Variants in CDC42BPG observed in about 807,000 individuals in gnomAD.
CDC42BPG encodes the protein serine/threonine-protein kinase MRCK gamma.
A neutral mutation model predicts 192.2 loss-of-function variants in CDC42BPG; 157 were observed. That is an observed-to-expected ratio of 0.82 (90% confidence interval 0.72 to 0.93). The LOEUF (loss-of-function observed/expected upper bound fraction) is 0.93. CDC42BPG is among the 40% of genes least tolerant of loss of function. The probability of loss-of-function intolerance (pLI) is 0.00; values close to 1 mark genes in which losing one functional copy is unlikely to be tolerated. For missense variants in CDC42BPG, 1,992 were observed against 2,122.1 expected (o/e 0.94, Z 1.20); for synonymous variants, 981 against 918.5 (o/e 1.07, Z -1.23).
At position 64,839,599 on chromosome 11, in the gene CDC42BPG, G is replaced by C. The variant is rs1159827470; in HGVS notation, c.582-28C>G. 7 of 1,595,508 alleles carry C rather than the reference G, an allele frequency of 4.4e-6. No individual in the cohort carries two copies. In the Admixed American group the frequency reaches 1.2e-4, roughly 27 times the overall value. On this transcript the variant is annotated intron_variant, in intron 5 of 36. Coordinates refer to ENST00000342711, the MANE Select transcript of CDC42BPG (RefSeq NM_017525.3). ...GGGGGATGGCAGGCAGGGAGAGTGAGGCGTTTGACCTGTGTGTAAGTGGCC... is the reference window on the plus strand; with the variant it reads ...GGGGGATGGCAGGCAGGGAGAGTGACGCGTTTGACCTGTGTGTAAGTGGCC...
chr11:64,834,645 C>A, intron 18 of CDC42BPG, 68 bp from the exon 19 acceptor site: 1 of 1,469,736 alleles, frequency 6.8e-7, no homozygotes, highest in East Asian at 2.4e-5. Context: ...CCCCTGCTAC[C>A]AGAGCATCCT....
At position 64,838,503 on chromosome 11, in the gene CDC42BPG, G is replaced by A. The variant is rs1001034216; in HGVS notation, c.1125+151C>T. On this transcript the variant is annotated intron_variant, in intron 8 of 36. Transcript: ENST00000342711. ...GAGGCTGGGCCAGCGGATGGTGGCT[G>A]GAACGGGTCAGTCTGGGAGTCCATA... is the stretch of plus-strand genomic sequence containing the variant. 5.7e-5 allele frequency: 63 copies of A among 1,110,658 alleles called. 1 individual carries two copies. In the East Asian group the frequency reaches 1.5e-3, roughly 26 times the overall value. 68.8% of individuals were successfully genotyped at this position (1,110,658 alleles called of 1,614,324 possible).
chr11:64,836,883 G>A (rs2136345294), intron 10 of CDC42BPG, 39 bp downstream of exon 10: 1 of 1,610,784 alleles, frequency 6.2e-7, no homozygotes, highest in Non-Finnish European at 8.5e-7. Context: ...CAGCCCCTAG[G>A]GCCAGCACAC....
intron 11 of CDC42BPG, 94 bp downstream of exon 11, chr11:64,836,645 C>T: frequency 1.6e-6 from 2 of 1,247,124 alleles, no homozygotes; most frequent in Non-Finnish European, 2.2e-6. Flanking sequence ...AAAATGCTCT[C>T]CCAGGATCAT....
chr11:64,830,593 G>A, intron 28 of CDC42BPG: 2 of 411,562 alleles, frequency 4.9e-6, no homozygotes, highest in South Asian at 5.1e-5. Context: ...GTTCAGCAGA[G>A]CCCCTTGCTC....
intron 30 of CDC42BPG, among the ~76,000 whole-genome samples, chr11:64,829,164 G>A (rs1942568367): frequency 6.6e-6 from 1 of 152,180 alleles, no homozygotes; most frequent in Admixed American, 6.5e-5. Flanking sequence ...AGGTGGCAGT[G>A]AGTCGAGATT....
chr11:64,830,416 C>T, intron 28 of CDC42BPG, 160 bp from the exon 29 acceptor site: 1 of 688,750 alleles, frequency 1.5e-6, no homozygotes, highest in South Asian at 1.7e-5. Flanking sequence ...CCAGTCTGGA[C>T]AGGCTTTTCC....
chr11:64,825,319 A>G (rs1393455236), intron 36 of CDC42BPG, among the ~76,000 whole-genome samples: 2 of 152,198 alleles, frequency 1.3e-5, no homozygotes, highest in Non-Finnish European at 2.9e-5. Context: ...AGGAGCCCAC[A>G]GTCAACAGAG....
In CDC42BPG at chr11:64,832,756, C is replaced by T. The variant is rs549793350; in HGVS notation, c.2866-13G>A. 6.3e-7 allele frequency: 1 copy of T among 1,599,978 alleles called. No individual in the cohort carries two copies. Among genetic ancestry groups the T allele is most frequent in the South Asian group, 1.1e-5 (1 of 89,388 alleles). ...AGGGCCGCGGCACCTGGCGGAAAGGCAAGCATGGGAGGGCTGCAGGGACCC... is the reference window on the plus strand; with the variant it reads ...AGGGCCGCGGCACCTGGCGGAAAGGTAAGCATGGGAGGGCTGCAGGGACCC... On this transcript the variant is annotated splice_polypyrimidine_tract_variant and intron_variant, in intron 25 of 36. Coordinates refer to ENST00000342711, the MANE Select transcript of CDC42BPG (RefSeq NM_017525.3).
intron 36 of CDC42BPG, 34 bp from the exon 37 acceptor site, chr11:64,824,563 G>C (rs2136232488): frequency 6.6e-7 from 1 of 1,510,224 alleles, no homozygotes; most frequent in East Asian, 2.2e-5. Flanking sequence ...CAAGGGGTAG[G>C]ATCAGGAAGA....
chr11:64,843,879 T>C (rs970589847), intron 1 of CDC42BPG, among the ~76,000 whole-genome samples: 1 of 151,668 alleles, frequency 6.6e-6, no homozygotes, highest in African/African-American at 2.4e-5. Context: ...GGTGTGTGTG[T>C]TGGTGGGGGG....
chr11:64,834,974 A>C lies in CDC42BPG; in HGVS notation c.2061-11T>G. ...TTCTCATCATTCACCCTGAATGGGA[A>C]GGGGCTCAGGGTCATGGGCTGGGCC... On this transcript the variant is annotated splice_polypyrimidine_tract_variant and intron_variant, in intron 17 of 36. Coordinates refer to ENST00000342711, the MANE Select transcript of CDC42BPG (RefSeq NM_017525.3). The C allele has an allele frequency of 6.2e-7, 1 of 1,613,740 alleles. No homozygotes were observed. The highest frequency in any genetic ancestry group is 8.5e-7 in the Non-Finnish European group (1 of 1,179,894).
Position 64,832,847 on chromosome 11 carries a change from A to C in CDC42BPG, c.2844T>G (p.Thr948=). 6.3e-7 allele frequency: 1 copy of C among 1,579,366 alleles called. No individual in the cohort carries two copies. Among genetic ancestry groups the C allele is most frequent in the South Asian group, 1.1e-5 (1 of 87,056 alleles). ...LGVHPETGTG[T]AYEGFLSVPR... is the part of the protein sequence containing the mutation. ...TCACCGACAGAAAGCCCTCATAGGC[A>C]GTGCCTGTGCCTGTTTCGGGGTGTA... The change falls in exon 25 of 37, where the codon ACT becomes ACG. Residue 948 remains threonine (T), a synonymous_variant. Transcript: ENST00000342711.
Position 64,844,625 on chromosome 11 carries a change from T to C in CDC42BPG, c.-56A>G, listed in dbSNP as rs909978403. 4 of 1,208,876 alleles carry C rather than the reference T, an allele frequency of 3.3e-6. No individual in the cohort carries two copies. Among genetic ancestry groups the C allele is most frequent in the Non-Finnish European group, 4.1e-6 (4 of 968,338 alleles). The allele number at this position is 1,208,876 out of a possible 1,614,324, so 74.9% of individuals were successfully genotyped here. Reference sequence around the variant, plus strand: ...CAGTCTGGCCGCCCGCATGCCCGCCTGTCGGGCCGTCCGTCCGCCCAACCG... The same window carrying C: ...CAGTCTGGCCGCCCGCATGCCCGCCCGTCGGGCCGTCCGTCCGCCCAACCG... On this transcript the variant is annotated 5_prime_UTR_variant, in exon 1 of 37. Transcript: ENST00000342711.
Position 64,844,453 on chromosome 11 carries a change from G to A in CDC42BPG, c.117C>T (p.Gly39=). 6.8e-7 allele frequency: 1 copy of A among 1,472,856 alleles called. No homozygotes were observed. Among genetic ancestry groups the A allele is most frequent in the Non-Finnish European group, 8.9e-7 (1 of 1,117,864 alleles). The allele number at this position is 1,472,856 out of a possible 1,614,324, so 91.2% of individuals were successfully genotyped here. A position where few individuals can be genotyped will look rare whatever the true frequency, so the allele number is the denominator to read the frequency against. Residue 39 remains glycine, a synonymous_variant, in exon 1 of 37, where the codon GGC becomes GGT. Transcript: ENST00000342711. The part of the protein sequence containing the change: ...LLALHHELSS[G]PLRRERSVAQ... Reference sequence around the variant, plus strand: ...CCACGCTGCGCTCCCGCCGTAGGGGGCCGCTGCTGAGCTCGTGGTGCAGCG... The same window carrying A: ...CCACGCTGCGCTCCCGCCGTAGGGGACCGCTGCTGAGCTCGTGGTGCAGCG...
rs1942994390 is a variant in CDC42BPG at position 64,836,451 on chromosome 11, C to T, written c.1464G>A (p.Arg488=). The T allele has an allele frequency of 6.2e-7, 1 of 1,613,198 alleles. No homozygotes were observed. Among genetic ancestry groups the T allele is most frequent in the South Asian group, 1.1e-5 (1 of 91,066 alleles). The part of the protein sequence containing the change: ...AGSPGQDSDL[R]QELDRLHREL... ...CCCGGTGAAGTCGGTCAAGCTCCTG[C>T]CGTAGGTCACTGTCCTGACCTGGGC... The change falls in exon 12 of 37, where the codon CGG becomes CGA. Residue 488 remains arginine (R), a synonymous_variant. Coordinates refer to ENST00000342711, the MANE Select transcript of CDC42BPG (RefSeq NM_017525.3).
chr11:64,842,946 G>A (rs540709802), intron 1 of CDC42BPG, among the ~76,000 whole-genome samples: 3 of 152,282 alleles, frequency 2.0e-5, no homozygotes, highest in East Asian at 1.9e-4. Flanking sequence ...CAGCGGGGGC[G>A]GGGTGGAAAC....
In CDC42BPG at chr11:64,832,944, C is replaced by T. The variant is rs1942773379; in HGVS notation, c.2747G>A (p.Cys916Tyr). Residue 916 changes from cysteine to tyrosine, a missense_variant, in exon 25 of 37, where the codon TGT becomes TAT. Around this residue, in one of 2 missense-constraint regions of CDC42BPG, gnomAD observed 1,656 missense variants for 1,844.3 expected, o/e 0.90. Transcript: ENST00000342711. ...GGCCTGTGGGGCACAGGTTGTGTGA[C>T]AAAAGTAGCCGCAGGCTGTGGGGAA... is the stretch of plus-strand genomic sequence containing the variant. ...GLGCDACGYF[C>Y]HTTCAPQAPP... The T allele has an allele frequency of 6.5e-7, 1 of 1,534,212 alleles. No individual in the cohort carries two copies. Among genetic ancestry groups the T allele is most frequent in the Non-Finnish European group, 8.8e-7 (1 of 1,139,620 alleles).
intron 28 of CDC42BPG, chr11:64,830,535 T>G: frequency 1.9e-6 from 1 of 534,156 alleles, no homozygotes; most frequent in Non-Finnish European, 3.4e-6. Context: ...ACGATGGTAC[T>G]TCCTCACAGA....
Sources: gnomAD v4.1 joint callset for allele counts (sites outside exome capture counted in the v4.1 genomes callset) on GRCh38, gnomAD v4.1.1 for gene constraint, gnomAD v4.1.1 regional missense constraint, MANE v1.5 for transcripts, NCBI Gene and HGNC (gene_info 2026-07-23, HGNC 2026-07-21) for gene names.